CYP4Z1: variants seen among roughly 807,000 people sequenced by gnomAD.
CYP4Z1 encodes cytochrome P450 4Z1.
In CYP4Z1, 41 loss-of-function variants were observed where a neutral mutation model predicts 54.2. That is an observed-to-expected ratio of 0.76 (90% CI 0.59 to 0.98). The LOEUF (loss-of-function observed/expected upper bound fraction) is 0.98, where lower values mean the gene tolerates loss of function less well. Among genes scored for constraint, CYP4Z1 ranks in the 50% least tolerant of loss-of-function variants. The probability of loss-of-function intolerance (pLI) is 0.00; values close to 1 mark genes in which losing one functional copy is unlikely to be tolerated. For synonymous variants in CYP4Z1, 163 were observed against 206.2 expected (o/e 0.79, Z 1.79); for missense variants, 513 against 599.0 (o/e 0.86, Z 1.50).
rs1644585104 is a variant in CYP4Z1 at position 47,085,423 on chromosome 1, G to T, written c.772+445G>T. On this transcript the variant is annotated intron_variant, in intron 6 of 11. Coordinates refer to ENST00000334194, the MANE Select transcript of CYP4Z1 (RefSeq NM_178134.3). ...TTTGCATGGGTTTTTGGGGACTTAGGACATAGATAACTTTGAGGGACCATA... is the reference window on the plus strand; with the variant it reads ...TTTGCATGGGTTTTTGGGGACTTAGTACATAGATAACTTTGAGGGACCATA... Among the ~76,000 whole-genome samples, 3 of 152,106 alleles carry T rather than the reference G, an allele frequency of 2.0e-5. No homozygotes were observed. In the South Asian group the frequency reaches 6.2e-4, roughly 32 times the overall value.
At chr1:47,076,827 A>G (rs1644526481) in intron 2 of CYP4Z1, among the ~76,000 whole-genome samples, 1 of 135,524 alleles carries the variant, frequency 7.4e-6, no homozygotes, top group Non-Finnish European at 1.5e-5. Context: ...CCTGGGCGAC[A>G]GAGCCAGACG....
At chr1:47,112,521 C>T (rs1644800983) in intron 9 of CYP4Z1, among the ~76,000 whole-genome samples, 1 of 151,176 alleles carries the variant, frequency 6.6e-6, no homozygotes, top group Non-Finnish European at 1.5e-5. Flanking sequence ...TGATAACAAA[C>T]CTACTAAAAA....
upstream of CYP4Z1, among the ~76,000 whole-genome samples, chr1:47,064,512 C>T (rs1359703499): frequency 6.6e-6 from 1 of 152,168 alleles, no homozygotes; most frequent in African/African-American, 2.4e-5. Flanking sequence ...GAATTCACTA[C>T]TACCAAGCCA....
rs28463559 is a variant in CYP4Z1, at chr1:47,106,233, C to T, written c.1173C>T (p.Thr391=). Reference sequence around the variant, plus strand: ...CCCGGTTACTCGACAAACCCATCACCTTTCCAGATGGACGCTCCTTACCTG... The same window carrying T: ...CCCGGTTACTCGACAAACCCATCACTTTTCCAGATGGACGCTCCTTACCTG... ...NISRLLDKPI[T]FPDGRSLPAG... is the part of the protein sequence containing the mutation. The change falls in exon 9 of 12, where the codon ACC becomes ACT. Residue 391 remains threonine (T), a synonymous_variant. Coordinates refer to ENST00000334194, the MANE Select transcript of CYP4Z1 (RefSeq NM_178134.3). 603,462 of 1,585,380 alleles carry T rather than the reference C, an allele frequency of 0.38. 119,954 individuals are homozygous for T. Among genetic ancestry groups the T allele is most frequent in the East Asian group, 0.96 (42,731 of 44,438 alleles).
At chr1:47,095,955 G>A (rs1485253761) in intron 7 of CYP4Z1, among the ~76,000 whole-genome samples, 1 of 152,062 alleles carries the variant, frequency 6.6e-6, no homozygotes, top group African/African-American at 2.4e-5. Context: ...CTCTGTGAGG[G>A]ACCAAAATAA....
intron 11 of CYP4Z1, among the ~76,000 whole-genome samples, 197 bp from the exon 12 acceptor site, chr1:47,117,569 G>A (rs1385486524): frequency 6.6e-6 from 1 of 151,930 alleles, no homozygotes; most frequent in African/African-American, 2.4e-5. Context: ...TGGCCAACAT[G>A]GTAAAACCCT....
chr1:47,082,279 C>A lies in CYP4Z1; in HGVS notation c.365-55C>A. The A allele has an allele frequency of 6.4e-6, 10 of 1,552,176 alleles. No individual in the cohort carries two copies. In the South Asian group the frequency reaches 1.0e-4, roughly 16 times the overall value. On this transcript the variant is annotated intron_variant, in intron 3 of 11. Transcript: ENST00000334194. ...GGGAATTGCTCACTGCGTGCCTAGT[C>A]TTTCTTCACTTACCTGGCCTCTGAT...
the CYP4Z1 span, among the ~76,000 whole-genome samples, chr1:47,058,464 T>G: frequency 6.6e-6 from 1 of 152,074 alleles, no homozygotes; most frequent in Non-Finnish European, 1.5e-5. Flanking sequence ...TTCAATTAGT[T>G]CTTAGAATTG....
chr1:47,059,330 C>T, the CYP4Z1 span, among the ~76,000 whole-genome samples: 1 of 152,038 alleles, frequency 6.6e-6, no homozygotes, highest in Non-Finnish European at 1.5e-5. Flanking sequence ...ATACAAATAG[C>T]CAGATAATTA....
chr1:47,102,491 G>A (rs1644728726), intron 8 of CYP4Z1, among the ~76,000 whole-genome samples: 1 of 152,126 alleles, frequency 6.6e-6, no homozygotes, highest in African/African-American at 2.4e-5. Flanking sequence ...CTGGGTATAG[G>A]ACTCCCTTGA....
chr1:47,114,139 C>A (rs960579223), intron 9 of CYP4Z1, among the ~76,000 whole-genome samples: 1 of 152,084 alleles, frequency 6.6e-6, no homozygotes, highest in Non-Finnish European at 1.5e-5. Context: ...AGAAATAATG[C>A]CGCATATCTA....
the CYP4Z1 span, among the ~76,000 whole-genome samples, chr1:47,059,785 G>A: frequency 2.0e-5 from 3 of 152,122 alleles, no homozygotes; most frequent in African/African-American, 4.8e-5. Context: ...CCCCTGGGAC[G>A]GAGGCTGATG....
chr1:47,098,958 A>G, intron 7 of CYP4Z1, 136 bp from the exon 8 acceptor site: 1 of 1,049,596 alleles, frequency 9.5e-7, no homozygotes, highest in Non-Finnish European at 1.4e-6. Flanking sequence ...AAAGTAAAAT[A>G]GAAAAATATA....
In CYP4Z1 at chr1:47,107,568, T is replaced by C. The variant is rs1380471454; in HGVS notation, c.1201+1307T>C. Among the ~76,000 whole-genome samples, 3 of 151,906 alleles carry C rather than the reference T, an allele frequency of 2.0e-5. No individual in the cohort carries two copies. The East Asian group carries it at 5.8e-4, about 29-fold the overall frequency. ...GTTGCTCCAACAAAACAGCTCAGAGTCAACTTTTACTACCTTTTCCCTTAA... is the reference window on the plus strand; with the variant it reads ...GTTGCTCCAACAAAACAGCTCAGAGCCAACTTTTACTACCTTTTCCCTTAA... On this transcript the variant is annotated intron_variant, in intron 9 of 11. Coordinates refer to ENST00000334194, the MANE Select transcript of CYP4Z1 (RefSeq NM_178134.3).
chr1:47,091,428 G>A lies in CYP4Z1; in HGVS notation c.773-3138G>A, dbSNP rs992497197. 3.5e-5 allele frequency among the ~76,000 whole-genome samples: 5 copies of A among 144,780 alleles called. 1 individual carries two copies. The highest frequency in any genetic ancestry group is 2.0e-4 in the Admixed American group (3 of 14,680). 95.0% of individuals were successfully genotyped at this position (144,780 alleles called of 152,430 possible). ...GATAATAACCTGCTAATTTTGTGGT[G>A]ATATTTTATAGGAGGTCCATTGGCG... On this transcript the variant is annotated intron_variant, in intron 6 of 11. Transcript: ENST00000334194.
In CYP4Z1 at chr1:47,089,889, C is replaced by G. The variant is rs554505616; in HGVS notation, c.773-4677C>G. ...GGTTTGCTTAGAGAATAAGTTCAGG[C>G]TTAGGCCATTTTTATAACTTGCAAT... On this transcript the variant is annotated intron_variant, in intron 6 of 11. Transcript: ENST00000334194. Among the ~76,000 whole-genome samples, 41 of 152,278 alleles carry G rather than the reference C, an allele frequency of 2.7e-4. No individual in the cohort carries two copies. The South Asian group carries it at 8.4e-3, about 31-fold the overall frequency.
At chr1:47,089,006 C>T (rs1362764459) in intron 6 of CYP4Z1, among the ~76,000 whole-genome samples, 1 of 149,442 alleles carries the variant, frequency 6.7e-6, no homozygotes, top group South Asian at 2.1e-4. Context: ...AGCATTTAAA[C>T]CACTTATATT....
chr1:47,055,593 CAG>C, the CYP4Z1 span, among the ~76,000 whole-genome samples: 1 of 152,144 alleles, frequency 6.6e-6, no homozygotes, highest in East Asian at 1.9e-4. Flanking sequence ...GCCTCAATTT[CAG>C]AGCCTGTTAC....
intron 6 of CYP4Z1, among the ~76,000 whole-genome samples, chr1:47,085,665 C>T (rs370058260): frequency 4.0e-5 from 6 of 151,170 alleles, no homozygotes; most frequent in African/African-American, 7.3e-5. Flanking sequence ...CTTATATTTG[C>T]GGTTTATGTC....
Sources: gnomAD v4.1 joint callset for allele counts (sites outside exome capture counted in the v4.1 genomes callset) on GRCh38, gnomAD v4.1.1 for gene constraint, MANE v1.5 for transcripts, NCBI Gene and HGNC (gene_info 2026-07-23, HGNC 2026-07-21) for gene names.